The following CPPED1 variants were observed in gnomAD, a reference collection of about 807,000 sequenced individuals.
CPPED1 encodes calcineurin like phosphoesterase domain containing 1, also known as serine/threonine-protein phosphatase CPPED1.
In CPPED1, 28 loss-of-function variants were observed where a neutral mutation model predicts 28.0. The ratio of observed to expected loss-of-function variants is 1.00; its 90% CI spans 0.74 to 1.37. The LOEUF (loss-of-function observed/expected upper bound fraction) is 1.37, where lower values mean the gene tolerates loss of function less well. CPPED1 is among the 40% of genes most tolerant of loss of function. CPPED1 has a pLI of 0.00. For missense variants in CPPED1, 504 were observed against 416.5 expected (o/e 1.21, Z -1.83); for synonymous variants, 198 against 180.2 (o/e 1.10, Z -0.79).
intron 3 of CPPED1, among the ~76,000 whole-genome samples, chr16:12,673,835 C>G (rs1307025395): frequency 6.6e-6 from 1 of 152,054 alleles, no homozygotes; most frequent in Non-Finnish European, 1.5e-5. Context: ...TCGCTTGGGG[C>G]CAGGAGTTGG....
chr16:12,744,294 G>GCAAGCAAGCA (rs199563639), intron 2 of CPPED1, among the ~76,000 whole-genome samples: 6,868 of 76,040 alleles, frequency 0.09, 296 homozygotes, highest in African/African-American at 0.15. Context: ...GAGAGAGAGA[G>GCAAGCAAGCA]AGAAAGCAAG....
chr16:12,728,294 G>T (rs966133229), intron 2 of CPPED1, among the ~76,000 whole-genome samples: 2 of 151,684 alleles, frequency 1.3e-5, no homozygotes, highest in African/African-American at 4.8e-5. Flanking sequence ...TTGATTAGAG[G>T]GTCCGTAGAG....
intron 2 of CPPED1, among the ~76,000 whole-genome samples, chr16:12,744,296 G>GC (rs1567293026): frequency 2.7e-4 from 37 of 135,222 alleles, no homozygotes; most frequent in Middle Eastern, 3.8e-3. Flanking sequence ...GAGAGAGAGA[G>GC]AAAGCAAGCA....
At chr16:12,758,507 G>A (rs2141224805) in intron 2 of CPPED1, among the ~76,000 whole-genome samples, 1 of 152,250 alleles carries the variant, frequency 6.6e-6, no homozygotes, top group South Asian at 2.1e-4. Flanking sequence ...ATCACTCATA[G>A]CCATGACAAT....
At chr16:12,736,731 TACA>T (rs1284436681) in intron 2 of CPPED1, among the ~76,000 whole-genome samples, 1 of 152,212 alleles carries the variant, frequency 6.6e-6, no homozygotes, top group African/African-American at 2.4e-5. Flanking sequence ...GCACTAAGAA[TACA>T]ACAAAAGTGT....
At chr16:12,675,230 G>C (rs1434775142) in intron 3 of CPPED1, among the ~76,000 whole-genome samples, 1 of 152,202 alleles carries the variant, frequency 6.6e-6, no homozygotes. Context: ...CACTCAGCCT[G>C]GGCATCAGTC....
chr16:12,717,321 C>T (rs549960362), intron 2 of CPPED1, among the ~76,000 whole-genome samples: 12 of 152,210 alleles, frequency 7.9e-5, no homozygotes, highest in Non-Finnish European at 1.6e-4. Context: ...TGGAGTGCAG[C>T]GGCGCCATCT....
intron 2 of CPPED1, chr16:12,757,771 G>T (rs2141224268): frequency 6.7e-6 from 1 of 149,176 alleles, no homozygotes; most frequent in Non-Finnish European, 1.5e-5. Flanking sequence ...CTAGCAGGCT[G>T]TCACATGTTG....
intron 2 of CPPED1, chr16:12,757,613 A>G (rs1029620099): frequency 6.3e-5 from 9 of 141,922 alleles, no homozygotes; most frequent in Admixed American, 2.4e-4. Flanking sequence ...GCCTGCACAA[A>G]TTCTTCCTAG....
chr16:12,764,588 C>T (rs1306331951), intron 2 of CPPED1, among the ~76,000 whole-genome samples: 1 of 152,196 alleles, frequency 6.6e-6, no homozygotes, highest in African/African-American at 2.4e-5. Context: ...ATCCTTCTGC[C>T]TCAGCCTCCC....
At position 12,709,969 on chromosome 16, in the gene CPPED1, CAAGG is replaced by C. The variant is rs376109725; in HGVS notation, c.290-4924_290-4921del. On this transcript the variant is annotated intron_variant, in intron 2 of 3. Transcript: ENST00000381774. This position sits in a 1 kb window ranked among gnomAD's most constrained non-coding sequence, Gnocchi z 4.4. ...GAGGAAGGAAAGAAGGGAAGGAAGG[CAAGG>C]AAGGAAGGAAGGGAAGAGAAGAGAA... Among the ~76,000 whole-genome samples, 20 of 118,334 alleles carry C rather than the reference CAAGG, an allele frequency of 1.7e-4. No individual in the cohort carries two copies. Among genetic ancestry groups the C allele is most frequent in the African/African-American group, 5.3e-4 (16 of 30,194 alleles). The allele number at this position is 118,334 out of a possible 152,430, so 77.6% of individuals were successfully genotyped here. A position where few individuals can be genotyped will look rare whatever the true frequency, so the allele number is the denominator to read the frequency against.
chr16:12,803,838 A>G lies in CPPED1; in HGVS notation c.-62T>C. ...GTGGGTGGAAGCCGCGCGACTTCAC[A>G]CAGAACAACCGCTGGACCTGTCCCG... On this transcript the variant is annotated 5_prime_UTR_variant, in exon 1 of 4. Coordinates refer to ENST00000381774, the MANE Select transcript of CPPED1 (RefSeq NM_018340.3). 6.8e-7 allele frequency: 1 copy of G among 1,478,202 alleles called. No homozygotes were observed. Among genetic ancestry groups the G allele is most frequent in the Non-Finnish European group, 9.2e-7 (1 of 1,090,310 alleles). 91.6% of individuals were successfully genotyped at this position (1,478,202 alleles called of 1,614,324 possible).
At chr16:12,720,436 C>T (rs577664194) in intron 2 of CPPED1, 2 of 154,218 alleles carry the variant, frequency 1.3e-5, no homozygotes, top group East Asian at 3.9e-4. Flanking sequence ...GTGAAGGAAA[C>T]TTCTTGTTTT....
intron 2 of CPPED1, among the ~76,000 whole-genome samples, chr16:12,713,434 C>T (rs1369475481): frequency 6.6e-6 from 1 of 152,176 alleles, no homozygotes; most frequent in Admixed American, 6.5e-5. Context: ...GGCGCAATCT[C>T]GGCTTGCTGC....
chr16:12,790,302 A>G (rs772124496), intron 1 of CPPED1, among the ~76,000 whole-genome samples: 8 of 152,182 alleles, frequency 5.3e-5, no homozygotes, highest in Non-Finnish European at 1.0e-4. Flanking sequence ...TCTCATTTTT[A>G]TTATCCCTTT....
At chr16:12,667,395 T>G (rs1269589395) in intron 3 of CPPED1, among the ~76,000 whole-genome samples, 1 of 152,054 alleles carries the variant, frequency 6.6e-6, no homozygotes, top group Non-Finnish European at 1.5e-5. Context: ...GAACAGGAGG[T>G]AATGAACATT....
rs2079795411 is a variant in CPPED1, at chr16:12,661,685, C to G, written c.*3201G>C. ...TACACCCTGTGGTGGTAACTCCAGA[C>G]ATGGAGCAGCTAGAGCTGCGGACAG... On this transcript the variant is annotated 3_prime_UTR_variant, in exon 4 of 4. Coordinates refer to ENST00000381774, the MANE Select transcript of CPPED1 (RefSeq NM_018340.3). 6.6e-6 allele frequency: 1 copy of G among 152,248 alleles called. No individual in the cohort carries two copies. The highest frequency in any genetic ancestry group is 1.5e-5 in the Non-Finnish European group (1 of 68,064). 9.4% of individuals were successfully genotyped at this position (152,248 alleles called of 1,614,324 possible).
At chr16:12,704,517 G>A in intron 3 of CPPED1, 107 bp downstream of exon 3, 3 of 1,220,538 alleles carry the variant, frequency 2.5e-6, no homozygotes, top group Non-Finnish European at 3.4e-6. Context: ...TCCCGGCCTA[G>A]TCCTCTCTCC....
chr16:12,737,259 C>A (rs1055912471), intron 2 of CPPED1, among the ~76,000 whole-genome samples: 86 of 152,020 alleles, frequency 5.7e-4, no homozygotes, highest in Admixed American at 3.9e-3. Context: ...ATTTGAGCAA[C>A]AACTTGAAGG....
Sources: gnomAD v4.1 joint callset for allele counts (sites outside exome capture counted in the v4.1 genomes callset) on GRCh38, gnomAD v4.1.1 for gene constraint, Gnocchi (gnomAD v3.1) non-coding constraint, MANE v1.5 for transcripts, NCBI Gene and HGNC (gene_info 2026-07-23, HGNC 2026-07-21) for gene names.